SCRG1: variants seen among roughly 807,000 people sequenced by gnomAD.
SCRG1 encodes the protein stimulator of chondrogenesis 1, also known as scrapie-responsive protein 1.
A neutral mutation model predicts 7.7 loss-of-function variants in SCRG1; 3 were observed. The ratio of observed to expected loss-of-function variants is 0.39; its 90% CI spans 0.18 to 1.01. The LOEUF (loss-of-function observed/expected upper bound fraction) is 1.01, where lower values mean the gene tolerates loss of function less well. Among genes scored for constraint, SCRG1 ranks in the 50% least tolerant of loss-of-function variants. The probability of loss-of-function intolerance (pLI) is 0.36; values close to 1 mark genes in which losing one functional copy is unlikely to be tolerated. For synonymous variants in SCRG1, 46 were observed against 41.2 expected (o/e 1.12, Z -0.44); for missense variants, 110 against 117.2 (o/e 0.94, Z 0.28).
the SCRG1 span, among the ~76,000 whole-genome samples, chr4:173,492,189 C>T: frequency 6.6e-6 from 1 of 151,970 alleles, no homozygotes; most frequent in Non-Finnish European, 1.5e-5. Context: ...TCAAAACAGG[C>T]AGAATAGTCA....
chr4:173,454,310 A>G, the SCRG1 span, among the ~76,000 whole-genome samples: 1 of 152,056 alleles, frequency 6.6e-6, no homozygotes, highest in Non-Finnish European at 1.5e-5. Context: ...GCCTGGAGAA[A>G]CTTTCCCACT....
chr4:173,499,872 C>A, the SCRG1 span, among the ~76,000 whole-genome samples: 9,851 of 152,210 alleles, frequency 0.065, 997 homozygotes, highest in African/African-American at 0.21. The surrounding 1 kb of genome is among the most constrained non-coding windows in gnomAD (Gnocchi z 4.1). Context: ...GCAGGCCAGG[C>A]CTTCAGAGAC....
At chr4:173,486,237 CT>C in the SCRG1 span, among the ~76,000 whole-genome samples, 1 of 152,102 alleles carries the variant, frequency 6.6e-6, no homozygotes, top group Non-Finnish European at 1.5e-5. Flanking sequence ...TCATCTGAAA[CT>C]TCTATTTACA....
the SCRG1 span, among the ~76,000 whole-genome samples, chr4:173,483,676 T>C: frequency 3.8e-3 from 55 of 14,396 alleles, 3 homozygotes; most frequent in Non-Finnish European, 7.5e-3. Flanking sequence ...ATAATATATA[T>C]GATATATTAT....
the SCRG1 span, among the ~76,000 whole-genome samples, chr4:173,435,876 T>C: frequency 3.3e-5 from 5 of 151,990 alleles, no homozygotes; most frequent in African/African-American, 1.2e-4. Context: ...GCCAAATAAC[T>C]CAGGATCAAG....
the SCRG1 span, among the ~76,000 whole-genome samples, chr4:173,488,959 TGACACAGCTAATAGCAC>T: frequency 6.6e-6 from 1 of 152,188 alleles, no homozygotes; most frequent in Admixed American, 6.5e-5. Flanking sequence ...TGACAAAACA[TGACACAGCTAATAGCAC>T]AGTGAAGACA....
At chr4:173,401,850 A>G (rs557047284), upstream of SCRG1, among the ~76,000 whole-genome samples, 10 of 152,372 alleles carry the variant, frequency 6.6e-5, no homozygotes, top group African/African-American at 1.9e-4. Context: ...ATTAAACAAT[A>G]TCAAACTTAT....
the SCRG1 span, among the ~76,000 whole-genome samples, chr4:173,485,002 T>G: frequency 1.9e-4 from 2 of 10,278 alleles, no homozygotes; most frequent in Non-Finnish European, 3.1e-4. Context: ...TAATATATTA[T>G]AAATATAATA....
chr4:173,483,256 G>GATATATCATATATT, the SCRG1 span, among the ~76,000 whole-genome samples: 1 of 35,630 alleles, frequency 2.8e-5, no homozygotes, highest in African/African-American at 7.5e-5. Context: ...TATCATATAT[G>GATATATCATATATT]ATATATCATA....
chr4:173,444,540 G>T, the SCRG1 span, among the ~76,000 whole-genome samples: 1 of 152,210 alleles, frequency 6.6e-6, no homozygotes, highest in Non-Finnish European at 1.5e-5. Flanking sequence ...ACAACAATAG[G>T]CTGTGGGCCG....
chr4:173,476,363 A>AAAATATATATATATAT, the SCRG1 span, among the ~76,000 whole-genome samples: 1 of 98,504 alleles, frequency 1.0e-5, no homozygotes, highest in African/African-American at 3.1e-5. Context: ...GGAAAAAAAA[A>AAAATATATATATATAT]ATATATATAT....
At chr4:173,488,744 C>G in the SCRG1 span, among the ~76,000 whole-genome samples, 1 of 152,166 alleles carries the variant, frequency 6.6e-6, no homozygotes, top group Admixed American at 6.5e-5. Context: ...GACAAACCCT[C>G]TCAGTGGTGT....
the SCRG1 span, among the ~76,000 whole-genome samples, chr4:173,506,991 C>G: frequency 6.6e-6 from 1 of 152,178 alleles, no homozygotes; most frequent in Admixed American, 6.5e-5. The surrounding 1 kb of genome is among the most constrained non-coding windows in gnomAD (Gnocchi z 5.3). Context: ...CTCCCTCACC[C>G]GCAGGTTTAC....
At chr4:173,390,424 T>C (rs1739393475) in intron 2 of SCRG1, among the ~76,000 whole-genome samples, 1 of 152,006 alleles carries the variant, frequency 6.6e-6, no homozygotes, top group Admixed American at 6.6e-5. Context: ...ACTTTTCTGT[T>C]CAGTTAATTA....
At chr4:173,394,562 T>C (rs770600516) in intron 1 of SCRG1, among the ~76,000 whole-genome samples, 4 of 152,158 alleles carry the variant, frequency 2.6e-5, no homozygotes, top group Admixed American at 6.5e-5. Context: ...GAGAATCACT[T>C]GAACCCAGGA....
At chr4:173,463,230 C>G in the SCRG1 span, among the ~76,000 whole-genome samples, 1 of 152,106 alleles carries the variant, frequency 6.6e-6, no homozygotes, top group Non-Finnish European at 1.5e-5. Flanking sequence ...CTGAGAATTA[C>G]CACAAACTTG....
At chr4:173,476,648 T>G in the SCRG1 span, among the ~76,000 whole-genome samples, 2 of 151,854 alleles carry the variant, frequency 1.3e-5, no homozygotes, top group African/African-American at 2.4e-5. Flanking sequence ...TCTTGCATAC[T>G]GAATCTCCAG....
chr4:173,462,848 C>A, the SCRG1 span, among the ~76,000 whole-genome samples: 1 of 152,080 alleles, frequency 6.6e-6, no homozygotes, highest in Non-Finnish European at 1.5e-5. Context: ...TTTCTTTTTG[C>A]TTGTTTGTTT....
At chr4:173,406,456 T>C (rs552283931), upstream of SCRG1, 1 of 152,324 alleles carries the variant, frequency 6.6e-6, no homozygotes, top group African/African-American at 2.4e-5. Context: ...TATCCTGGGA[T>C]TGTCCAACCT....
Sources: allele counts gnomAD v4.1 joint callset (sites outside exome capture counted in the v4.1 genomes callset), GRCh38; gene constraint gnomAD v4.1.1; non-coding constraint Gnocchi (gnomAD v3.1); transcripts MANE v1.5; gene names NCBI Gene and HGNC (gene_info 2026-07-23, HGNC 2026-07-21).